The following XPR1 variants were observed in gnomAD, a reference collection of about 807,000 sequenced individuals.
The protein encoded by XPR1 is solute carrier family 53 member 1.
In XPR1, 28 loss-of-function variants were observed where a neutral mutation model predicts 87.5. The observed-to-expected ratio is 0.32, with a 90% CI of 0.24 to 0.44. XPR1 has a LOEUF of 0.44. Ranked by LOEUF, XPR1 falls within the 20% of genes least tolerant of loss-of-function variation. The pLI is 1.00. For missense variants in XPR1, 559 were observed against 862.3 expected, an observed-to-expected ratio of 0.65 and a Z score of 4.41; for synonymous variants, 300 against 306.1, an observed-to-expected ratio of 0.98 and a Z score of 0.21.
chr1:180,744,650 C>CTCTTTTTTTTTTTTT (rs1553243737), intron 2 of XPR1, among the ~76,000 whole-genome samples: 8 of 56,968 alleles, frequency 1.4e-4, no homozygotes, highest in African/African-American at 4.1e-4. Flanking sequence ...GGCACAATTT[C>CTCTTTTTTTTTTTTT]TTTCTTTTTT....
chr1:180,882,967 G>GTTTTTTTTTTTTTTTTTTTTTT (rs1156645233), intron 14 of XPR1, among the ~76,000 whole-genome samples: 2 of 150,638 alleles, frequency 1.3e-5, no homozygotes, highest in African/African-American at 4.9e-5. Flanking sequence ...TTGGGGGTTG[G>GTTTTTTTTTTTTTTTTTTTTTT]TTGTTTTTTT....
At chr1:180,862,084 ACAAC>A (rs1383131128) in intron 11 of XPR1, among the ~76,000 whole-genome samples, 3 of 152,156 alleles carry the variant, frequency 2.0e-5, no homozygotes, top group Non-Finnish European at 2.9e-5. Flanking sequence ...ACTGAGTTTG[ACAAC>A]CAGCTTCCAG....
chr1:180,657,821 A>C (rs1412423907), intron 1 of XPR1, among the ~76,000 whole-genome samples: 1 of 152,104 alleles, frequency 6.6e-6, no homozygotes, highest in Non-Finnish European at 1.5e-5. Context: ...ATTTCTGTGA[A>C]GAATGTCATT....
At chr1:180,845,047 T>C (rs1485080124) in intron 11 of XPR1, among the ~76,000 whole-genome samples, 2 of 152,184 alleles carry the variant, frequency 1.3e-5, no homozygotes. Flanking sequence ...AACTGATTTG[T>C]CTAAAGTGGC....
chr1:180,776,889 T>A (rs1648746104), intron 2 of XPR1, among the ~76,000 whole-genome samples: 1 of 152,170 alleles, frequency 6.6e-6, no homozygotes, highest in Non-Finnish European at 1.5e-5. Context: ...CTACCAAGAA[T>A]ATTTTAAACA....
chr1:180,827,153 C>CAAAAAAA (rs11324246), intron 9 of XPR1, among the ~76,000 whole-genome samples: 46 of 66,904 alleles, frequency 6.9e-4, no homozygotes, highest in African/African-American at 2.6e-3. Context: ...GACTCCTTCT[C>CAAAAAAA]AAAAAAAAAA....
At chr1:180,690,757 T>A (rs1263823009) in intron 2 of XPR1, among the ~76,000 whole-genome samples, 2 of 151,206 alleles carry the variant, frequency 1.3e-5, no homozygotes, top group African/African-American at 4.9e-5. Flanking sequence ...TATGACTTTT[T>A]AAAATTTTTA....
At chr1:180,807,376 A>G (rs1372379864) in intron 6 of XPR1, among the ~76,000 whole-genome samples, 1 of 152,256 alleles carries the variant, frequency 6.6e-6, no homozygotes, top group African/African-American at 2.4e-5. Context: ...TGCCAAATAC[A>G]AGACCAATAT....
intron 13 of XPR1, 89 bp from the exon 14 acceptor site, chr1:180,879,986 TG>T: frequency 7.3e-7 from 1 of 1,366,066 alleles, no homozygotes; most frequent in East Asian, 2.3e-5. Flanking sequence ...TTTGTTTCCA[TG>T]AGTGGAAACT....
chr1:180,829,513 C>T (rs1439026442), intron 9 of XPR1, among the ~76,000 whole-genome samples: 1 of 152,098 alleles, frequency 6.6e-6, no homozygotes, highest in Non-Finnish European at 1.5e-5. Flanking sequence ...TTATGCTCTC[C>T]CTCTCACCCG....
chr1:180,872,587 C>T (rs1156246602), intron 12 of XPR1, among the ~76,000 whole-genome samples: 1 of 105,034 alleles, frequency 9.5e-6, no homozygotes, highest in Non-Finnish European at 1.9e-5. Flanking sequence ...TTTCCAGGTG[C>T]GTCCGTCACC....
At chr1:180,658,437 C>T (rs1655614998) in intron 1 of XPR1, among the ~76,000 whole-genome samples, 1 of 152,114 alleles carries the variant, frequency 6.6e-6, no homozygotes, top group Admixed American at 6.6e-5. Context: ...TTGTGTATGG[C>T]TTTTATTGTG....
At chr1:180,818,924 A>G (rs1650512252) in intron 7 of XPR1, among the ~76,000 whole-genome samples, 1 of 152,158 alleles carries the variant, frequency 6.6e-6, no homozygotes, top group African/African-American at 2.4e-5. Flanking sequence ...GACTATTAAC[A>G]GTTAAAATTG....
At chr1:180,788,734 A>G (rs967116447) in intron 3 of XPR1, among the ~76,000 whole-genome samples, 2 of 152,216 alleles carry the variant, frequency 1.3e-5, no homozygotes, top group Admixed American at 1.3e-4. Context: ...TTTCATATTT[A>G]ATATGCACAT....
At chr1:180,760,423 A>T (rs1647967644) in intron 2 of XPR1, among the ~76,000 whole-genome samples, 1 of 152,196 alleles carries the variant, frequency 6.6e-6, no homozygotes, top group Non-Finnish European at 1.5e-5. Context: ...AAGTCTCAGG[A>T]TACAGAATCA....
chr1:180,711,220 G>A (rs1296673230), intron 2 of XPR1, among the ~76,000 whole-genome samples: 1 of 152,208 alleles, frequency 6.6e-6, no homozygotes, highest in Non-Finnish European at 1.5e-5. Flanking sequence ...GTGGCGGCCG[G>A]GCAGAGGCTG....
chr1:180,786,959 G>A (rs1028164964), intron 2 of XPR1, among the ~76,000 whole-genome samples: 2 of 152,148 alleles, frequency 1.3e-5, no homozygotes, highest in Admixed American at 1.3e-4. Flanking sequence ...ATGTGGTACA[G>A]TTAAAGTAAA....
chr1:180,826,982 C>G (rs1242050567), intron 9 of XPR1, among the ~76,000 whole-genome samples: 1 of 151,760 alleles, frequency 6.6e-6, no homozygotes, highest in Non-Finnish European at 1.5e-5. Context: ...GGCAAAACCC[C>G]ATCTCTACCA....
At chr1:180,837,653 T>A (rs181640315) in intron 11 of XPR1, among the ~76,000 whole-genome samples, 3 of 152,104 alleles carry the variant, frequency 2.0e-5, no homozygotes, top group Non-Finnish European at 2.9e-5. Context: ...GATTCTGTGG[T>A]TGGAGTAGGA....
Sources: gnomAD v4.1 joint callset for allele counts (sites outside exome capture counted in the v4.1 genomes callset) on GRCh38, gnomAD v4.1.1 for gene constraint, MANE v1.5 for transcripts, NCBI Gene and HGNC (gene_info 2026-07-23, HGNC 2026-07-21) for gene names.